Variants in PARD6G observed in about 807,000 individuals in gnomAD.
PARD6G encodes the protein par-6 family cell polarity regulator gamma.
A neutral mutation model predicts 10.7 loss-of-function variants in PARD6G; 7 were observed. The ratio of observed to expected loss-of-function variants is 0.66; its 90% CI spans 0.37 to 1.23. PARD6G has a LOEUF of 1.23. PARD6G is among the 50% of genes most tolerant of loss of function. The pLI is 0.02. For synonymous variants in PARD6G, 287 were observed against 269.4 expected, an observed-to-expected ratio of 1.07 and a Z score of -0.64; for missense variants, 548 against 571.8, an observed-to-expected ratio of 0.96 and a Z score of 0.42.
chr18:80,235,536 C>CA (rs1220939996), intron 1 of PARD6G, among the ~76,000 whole-genome samples: 2 of 151,978 alleles, frequency 1.3e-5, no homozygotes, highest in Non-Finnish European at 2.9e-5. Context: ...GATAGAGACA[C>CA]AAAAAACCCT....
chr18:80,166,318 G>A (rs1229660505), intron 2 of PARD6G, among the ~76,000 whole-genome samples: 1 of 151,112 alleles, frequency 6.6e-6, no homozygotes, highest in African/African-American at 2.4e-5. Context: ...CAGAACAAAG[G>A]CCCAGATGCA....
Position 80,158,007 on chromosome 18 carries a change from A to AT in PARD6G, c.*1763dup, listed in dbSNP as rs1437827638. 6.6e-6 allele frequency: 1 copy of AT among 152,260 alleles called. No homozygotes were observed. Among genetic ancestry groups the AT allele is most frequent in the Non-Finnish European group, 1.5e-5 (1 of 68,038 alleles). 9.4% of individuals were successfully genotyped at this position (152,260 alleles called of 1,614,324 possible). On this transcript the variant is annotated 3_prime_UTR_variant, in exon 3 of 3. Transcript: ENST00000353265. ...CCTAGAAAAATATTTCTTTACCTGT[A>AT]TCTGTATGAAAGATTTGGTCAGAGT...
At chr18:80,194,129 C>T (rs1966927186) in intron 2 of PARD6G, among the ~76,000 whole-genome samples, 1 of 152,202 alleles carries the variant, frequency 6.6e-6, no homozygotes, top group Non-Finnish European at 1.5e-5. Context: ...TATAGGTATA[C>T]AATTTCTACA....
At chr18:80,224,191 T>G (rs574479373) in intron 1 of PARD6G, among the ~76,000 whole-genome samples, 5 of 152,214 alleles carry the variant, frequency 3.3e-5, no homozygotes, top group Non-Finnish European at 5.9e-5. Context: ...TCAACTTCTA[T>G]ACTGAAGGAT....
chr18:80,180,936 T>C lies in PARD6G; in HGVS notation c.296-20330A>G, dbSNP rs1439448753. ...GCACCGATAGCTCTCCACATGCAGA[T>C]GCCCCACAGCAAAGAAATGTCCAGC... On this transcript the variant is annotated intron_variant, in intron 2 of 2. Transcript: ENST00000353265. This position sits in a 1 kb window ranked among gnomAD's most constrained non-coding sequence, Gnocchi z 5.6. Among the ~76,000 whole-genome samples the C allele has an allele frequency of 1.3e-5, 2 of 152,182 alleles. No homozygotes were observed. The highest frequency in any genetic ancestry group is 4.8e-5 in the African/African-American group (2 of 41,454).
Position 80,240,720 on chromosome 18 carries a change from C to T in PARD6G, c.72+6557G>A, listed in dbSNP as rs1269711406. On this transcript the variant is annotated intron_variant, in intron 1 of 2. Transcript: ENST00000353265. ...ACTATCAGAGCAATTTCAGGGGAGACTCAGCACATTGACTGGTCTTGCGGG... is the reference window on the plus strand; with the variant it reads ...ACTATCAGAGCAATTTCAGGGGAGATTCAGCACATTGACTGGTCTTGCGGG... Among the ~76,000 whole-genome samples, 4 of 152,182 alleles carry T rather than the reference C, an allele frequency of 2.6e-5. No homozygotes were observed. The East Asian group carries it at 7.7e-4, about 29-fold the overall frequency.
At position 80,175,683 on chromosome 18, in the gene PARD6G, C is replaced by T. The variant is rs560157871; in HGVS notation, c.296-15077G>A. 5.9e-5 allele frequency among the ~76,000 whole-genome samples: 9 copies of T among 152,318 alleles called. No individual in the cohort carries two copies. Among genetic ancestry groups the T allele is most frequent in the South Asian group, 2.1e-4 (1 of 4,830 alleles). On this transcript the variant is annotated intron_variant, in intron 2 of 2. Transcript: ENST00000353265. The surrounding 1 kb of genome is among the most constrained non-coding windows in gnomAD (Gnocchi z 6.7). ...ACGTTCTCTGTCAGGGCACAACCCT[C>T]GTTCCACCACCGCAGGGACATTAGG...
intron 1 of PARD6G, among the ~76,000 whole-genome samples, chr18:80,238,582 G>A (rs1473077819): frequency 2.6e-5 from 4 of 151,902 alleles, no homozygotes; most frequent in Admixed American, 1.3e-4. Flanking sequence ...CCTAATAGTG[G>A]TTACCTCGGG....
At chr18:80,224,425 T>C (rs896724146) in intron 1 of PARD6G, among the ~76,000 whole-genome samples, 4 of 152,234 alleles carry the variant, frequency 2.6e-5, no homozygotes, top group East Asian at 1.9e-4. Flanking sequence ...CAGTATGTTC[T>C]GGACAAACCT....
chr18:80,159,432 AAG>A lies in PARD6G; in HGVS notation c.*337_*338del, dbSNP rs1703302725. On this transcript the variant is annotated 3_prime_UTR_variant, in exon 3 of 3. Transcript: ENST00000353265. ...AAACATGAATTTGACTATTTTAAAA[AAG>A]TAATTTTAAAGCTTCACTTTAAAAA... 1.4e-5 allele frequency: 3 copies of A among 219,982 alleles called. No individual in the cohort carries two copies. The South Asian group carries it at 5.5e-4, about 40-fold the overall frequency. The allele number at this position is 219,982 out of a possible 1,614,324, so 13.6% of individuals were successfully genotyped here. A position where few individuals can be genotyped will look rare whatever the true frequency, so the allele number is the denominator to read the frequency against.
intron 1 of PARD6G, among the ~76,000 whole-genome samples, chr18:80,240,864 A>G (rs1336044631): frequency 2.6e-5 from 4 of 152,148 alleles, no homozygotes; most frequent in Non-Finnish European, 5.9e-5. Flanking sequence ...AAATCTGCCC[A>G]CTTACCTGAC....
intron 1 of PARD6G, among the ~76,000 whole-genome samples, chr18:80,213,706 C>A (rs1396338223): frequency 3.3e-5 from 5 of 152,128 alleles, no homozygotes; most frequent in African/African-American, 1.2e-4. Flanking sequence ...CGCCTGTAAT[C>A]CCAGCACTCT....
At chr18:80,191,304 C>T (rs1272464091) in intron 2 of PARD6G, among the ~76,000 whole-genome samples, 1 of 152,164 alleles carries the variant, frequency 6.6e-6, no homozygotes, top group East Asian at 1.9e-4. Flanking sequence ...GATGCGTGGC[C>T]ACAGCCCAGG....
chr18:80,186,406 C>G (rs111211792), intron 2 of PARD6G, among the ~76,000 whole-genome samples: 1 of 147,350 alleles, frequency 6.8e-6, no homozygotes, highest in South Asian at 2.2e-4. Context: ...CATGCATGCA[C>G]CCTCACACAC....
intron 1 of PARD6G, among the ~76,000 whole-genome samples, chr18:80,215,878 GA>G (rs1344671146): frequency 6.6e-6 from 1 of 152,056 alleles, no homozygotes; most frequent in Non-Finnish European, 1.5e-5. Context: ...CCAGTTATAT[GA>G]GGAGACATGC....
chr18:80,237,278 T>G (rs1212927434), intron 1 of PARD6G, among the ~76,000 whole-genome samples: 1 of 152,136 alleles, frequency 6.6e-6, no homozygotes, highest in Non-Finnish European at 1.5e-5. Context: ...TAAATGGTGC[T>G]GGGAAAACTG....
At chr18:80,202,337 A>G (rs934577395) in intron 2 of PARD6G, among the ~76,000 whole-genome samples, 2 of 152,208 alleles carry the variant, frequency 1.3e-5, no homozygotes, top group Non-Finnish European at 2.9e-5. Context: ...CAAAGTTATC[A>G]TCGAAAGCTA....
At chr18:80,203,541 C>T (rs1215200938) in intron 1 of PARD6G, among the ~76,000 whole-genome samples, 3 of 152,064 alleles carry the variant, frequency 2.0e-5, no homozygotes, top group East Asian at 3.8e-4. Context: ...CTGTGTAGCT[C>T]ATGTTGTAGG....
chr18:80,183,509 G>A lies in PARD6G; in HGVS notation c.295+19201C>T, dbSNP rs1440491735. On this transcript the variant is annotated intron_variant, in intron 2 of 2. Coordinates refer to ENST00000353265, the MANE Select transcript of PARD6G (RefSeq NM_032510.4). This position sits in a 1 kb window ranked among gnomAD's most constrained non-coding sequence, Gnocchi z 4.5. ...CAAGGCTCAGCACGTGATCCTGCCG[G>A]TCGTACACACAGCCCCAGCTCGAGC... Among the ~76,000 whole-genome samples, 3 of 152,098 alleles carry A rather than the reference G, an allele frequency of 2.0e-5. No individual in the cohort carries two copies. In the East Asian group the frequency reaches 5.8e-4, roughly 29 times the overall value.
Sources: allele counts gnomAD v4.1 joint callset (sites outside exome capture counted in the v4.1 genomes callset), GRCh38; gene constraint gnomAD v4.1.1; non-coding constraint Gnocchi (gnomAD v3.1); transcripts MANE v1.5; gene names NCBI Gene and HGNC (gene_info 2026-07-23, HGNC 2026-07-21).